The following KRABD5 variants were observed in gnomAD, a reference collection of about 807,000 sequenced individuals.
The protein encoded by KRABD5 is KRAB domain-containing protein 5.
the KRABD5 span, chr16:31,757,731 G>A: frequency 6.6e-6 from 1 of 152,146 alleles, no homozygotes; most frequent in African/African-American, 2.4e-5. Context: ...GTGAATGCTA[G>A]CATGAATCTT....
chr16:31,717,614 G>A, the KRABD5 span, among the ~76,000 whole-genome samples: 1 of 152,196 alleles, frequency 6.6e-6, no homozygotes, highest in Admixed American at 6.5e-5. Context: ...TCATGAGTGA[G>A]TGTTTTTCCA....
chr16:31,761,250 C>G, the KRABD5 span: 2 of 152,308 alleles, frequency 1.3e-5, no homozygotes, highest in African/African-American at 4.8e-5. Context: ...GTCCTTGGAT[C>G]TGACTGGCCT....
At chr16:31,737,533 G>A in the KRABD5 span, among the ~76,000 whole-genome samples, 1 of 152,102 alleles carries the variant, frequency 6.6e-6, no homozygotes, top group Admixed American at 6.6e-5. Context: ...TTCCCTTGTG[G>A]ATTTCCAATA....
the KRABD5 span, among the ~76,000 whole-genome samples, chr16:31,724,453 C>G: frequency 3.3e-5 from 5 of 151,518 alleles, no homozygotes; most frequent in African/African-American, 1.2e-4. Context: ...TTTGGGAGGC[C>G]GATGCAGGCG....
chr16:31,750,615 G>A, the KRABD5 span, among the ~76,000 whole-genome samples: 1 of 152,072 alleles, frequency 6.6e-6, no homozygotes, highest in Non-Finnish European at 1.5e-5. Context: ...GTTTTTAAGG[G>A]GAATGCCTCC....
At chr16:31,714,585 G>A in the KRABD5 span, among the ~76,000 whole-genome samples, 1 of 152,200 alleles carries the variant, frequency 6.6e-6, no homozygotes, top group Non-Finnish European at 1.5e-5. Flanking sequence ...GAGAGCCTGC[G>A]AATTGAGAAG....
At chr16:31,739,358 T>C in the KRABD5 span, among the ~76,000 whole-genome samples, 2 of 152,190 alleles carry the variant, frequency 1.3e-5, no homozygotes, top group African/African-American at 4.8e-5. Flanking sequence ...ATTCAGCACT[T>C]TGAATATATC....
chr16:31,714,041 C>A, the KRABD5 span, among the ~76,000 whole-genome samples: 4 of 152,264 alleles, frequency 2.6e-5, no homozygotes, highest in South Asian at 8.3e-4. Flanking sequence ...ATTAATTGGT[C>A]AATTACAAAC....
chr16:31,758,936 AAC>A, the KRABD5 span: 2 of 154,452 alleles, frequency 1.3e-5, no homozygotes, highest in Non-Finnish European at 2.9e-5. Context: ...TAAAATTTAT[AAC>A]ACATGGAATA....
At chr16:31,757,696 C>G in the KRABD5 span, 2 of 152,250 alleles carry the variant, frequency 1.3e-5, no homozygotes, top group East Asian at 1.9e-4. Flanking sequence ...GGCTGTTTCT[C>G]AGTGTAGTTC....
the KRABD5 span, among the ~76,000 whole-genome samples, chr16:31,748,160 T>C: frequency 3.9e-5 from 6 of 152,180 alleles, no homozygotes; most frequent in African/African-American, 1.4e-4. Context: ...CTTGAATTAA[T>C]TTTTGTATAA....
the KRABD5 span, among the ~76,000 whole-genome samples, chr16:31,752,896 G>C: frequency 6.6e-6 from 1 of 152,142 alleles, no homozygotes; most frequent in African/African-American, 2.4e-5. Flanking sequence ...TTTAAAATTA[G>C]TTAATAGATT....
the KRABD5 span, chr16:31,713,535 C>A: frequency 4.1e-6 from 6 of 1,466,762 alleles, no homozygotes; most frequent in Non-Finnish European, 5.5e-6. Flanking sequence ...GGCCCTGAGT[C>A]CCCGCGGACG....
the KRABD5 span, among the ~76,000 whole-genome samples, chr16:31,728,793 A>G: frequency 6.6e-6 from 1 of 152,182 alleles, no homozygotes; most frequent in Non-Finnish European, 1.5e-5. Context: ...GGGATGTTAT[A>G]TGTACATTTA....
At chr16:31,755,599 A>G in the KRABD5 span, 891 of 473,996 alleles carry the variant, frequency 1.9e-3, 8 homozygotes, top group African/African-American at 0.016. Flanking sequence ...CAAACCTTAG[A>G]CGACATCAGA....
At chr16:31,742,674 C>T in the KRABD5 span, among the ~76,000 whole-genome samples, 5 of 152,164 alleles carry the variant, frequency 3.3e-5, no homozygotes, top group African/African-American at 7.2e-5. Context: ...TGGGTATATA[C>T]CCAGTAATGG....
At chr16:31,717,197 T>C in the KRABD5 span, among the ~76,000 whole-genome samples, 1 of 152,050 alleles carries the variant, frequency 6.6e-6, no homozygotes, top group Admixed American at 6.6e-5. Flanking sequence ...GGTTTCACCA[T>C]GTTGTCCAGG....
At chr16:31,741,853 C>G in the KRABD5 span, among the ~76,000 whole-genome samples, 11 of 152,196 alleles carry the variant, frequency 7.2e-5, no homozygotes, top group Admixed American at 2.0e-4. Context: ...AATTTAGCCA[C>G]AAATTCTTTG....
At chr16:31,752,515 A>G in the KRABD5 span, among the ~76,000 whole-genome samples, 1 of 152,108 alleles carries the variant, frequency 6.6e-6, no homozygotes, top group Non-Finnish European at 1.5e-5. Flanking sequence ...ACCCTTTATC[A>G]TTATGGAATA....
Sources: gnomAD v4.1 joint callset for allele counts (sites outside exome capture counted in the v4.1 genomes callset) on GRCh38, gnomAD v4.1.1 for gene constraint, MANE v1.5 for transcripts, NCBI Gene and HGNC (gene_info 2026-07-23, HGNC 2026-07-21) for gene names.